Variants in ANK2 observed in about 807,000 individuals in gnomAD.
The protein encoded by ANK2 is ankyrin 2.
ANK2 carries 83 observed loss-of-function variants against 360.5 expected under a neutral mutation model. The ratio of observed to expected loss-of-function variants is 0.23; its 90% CI spans 0.19 to 0.28. The LOEUF is 0.28. Ranked by LOEUF, ANK2 falls within the 10% of genes least tolerant of loss-of-function variation. The pLI is 1.00. For synonymous variants in ANK2, 1,740 were observed against 1,759.5 expected, an observed-to-expected ratio of 0.99 and a Z score of 0.28; for missense variants, 4,201 against 4,795.7, an observed-to-expected ratio of 0.88 and a Z score of 3.66.
At chr4:112,855,329 CTT>C (rs1338979134) in intron 1 of ANK2, among the ~76,000 whole-genome samples, 1 of 152,186 alleles carries the variant, frequency 6.6e-6, no homozygotes, top group African/African-American at 2.4e-5. Flanking sequence ...GCTCTATTGT[CTT>C]TGTTCGTTGT....
intron 1 of ANK2, among the ~76,000 whole-genome samples, chr4:113,080,844 C>T (rs185132784): frequency 6.6e-6 from 1 of 152,008 alleles, no homozygotes; most frequent in East Asian, 1.9e-4. Context: ...GAAAGTGAAA[C>T]CCTGGATGCA....
chr4:112,831,562 CT>C (rs2059731818), intron 1 of ANK2, among the ~76,000 whole-genome samples: 1 of 128,146 alleles, frequency 7.8e-6, no homozygotes, highest in South Asian at 2.7e-4. Context: ...CCAATCAACT[CT>C]CTGTAAAATG....
Position 112,887,630 on chromosome 4 carries a change from G to A in ANK2, c.-39-16825G>A, listed in dbSNP as rs370998322. 2.2e-4 allele frequency among the ~76,000 whole-genome samples: 33 copies of A among 152,196 alleles called. No individual in the cohort carries two copies. In the East Asian group the frequency reaches 2.5e-3, roughly 12 times the overall value. ...TTTGTATTTACTCATGTGCAGATAGGTATGAGTGAAAAATCCATCTTAATG... is the reference window on the plus strand; with the variant it reads ...TTTGTATTTACTCATGTGCAGATAGATATGAGTGAAAAATCCATCTTAATG... On this transcript the variant is annotated intron_variant, in intron 1 of 30. Transcript: ENST00000503271.
the ANK2 span, among the ~76,000 whole-genome samples, chr4:112,732,760 G>C: frequency 6.6e-6 from 1 of 152,182 alleles, no homozygotes; most frequent in Admixed American, 6.5e-5. Context: ...GGACTAGAAA[G>C]AGCATGAATC....
chr4:112,742,471 G>A, the ANK2 span, among the ~76,000 whole-genome samples: 1 of 151,822 alleles, frequency 6.6e-6, no homozygotes, highest in African/African-American at 2.4e-5. Flanking sequence ...CCCTAGATAA[G>A]ATTGGCTAGG....
intron 2 of ANK2, among the ~76,000 whole-genome samples, chr4:112,942,653 G>C (rs1234187078): frequency 2.0e-5 from 3 of 151,536 alleles, no homozygotes; most frequent in Non-Finnish European, 2.9e-5. Flanking sequence ...TTAAAAAGAT[G>C]AAAGCTAAGA....
chr4:113,244,867 T>C (rs1297573764), intron 9 of ANK2, among the ~76,000 whole-genome samples: 1 of 152,202 alleles, frequency 6.6e-6, no homozygotes, highest in Non-Finnish European at 1.5e-5. Flanking sequence ...CATGTGGGGT[T>C]TGATTTTCTG....
At chr4:112,727,306 A>G in the ANK2 span, among the ~76,000 whole-genome samples, 1 of 152,076 alleles carries the variant, frequency 6.6e-6, no homozygotes, top group East Asian at 1.9e-4. Context: ...ATAATATCAC[A>G]GATTATGGTT....
intron 1 of ANK2, among the ~76,000 whole-genome samples, chr4:113,060,462 C>A (rs989908939): frequency 6.6e-6 from 1 of 151,986 alleles, no homozygotes; most frequent in African/African-American, 2.4e-5. Context: ...TAAAAAAACC[C>A]TTCCTGCTTG....
intron 1 of ANK2, among the ~76,000 whole-genome samples, chr4:112,878,107 T>G (rs1414854901): frequency 1.3e-5 from 2 of 151,982 alleles, no homozygotes; most frequent in Admixed American, 6.6e-5. Flanking sequence ...ATATGTAAAT[T>G]GATGACTTCA....
chr4:112,920,653 A>G (rs1411798191), intron 2 of ANK2, among the ~76,000 whole-genome samples: 1 of 152,232 alleles, frequency 6.6e-6, no homozygotes, highest in Non-Finnish European at 1.5e-5. Flanking sequence ...AGGTTTTACC[A>G]TATTAGTTAT....
chr4:112,957,747 C>T (rs1434369664), intron 2 of ANK2, among the ~76,000 whole-genome samples: 5 of 152,014 alleles, frequency 3.3e-5, no homozygotes, highest in African/African-American at 9.7e-5. Context: ...AGACGCTCCT[C>T]ACTTCCCAGA....
intron 1 of ANK2, among the ~76,000 whole-genome samples, chr4:112,869,149 G>T (rs1215488797): frequency 6.6e-6 from 1 of 152,048 alleles, no homozygotes; most frequent in Admixed American, 6.6e-5. Context: ...TATTATTTTT[G>T]TAGAGACAAG....
intron 2 of ANK2, among the ~76,000 whole-genome samples, chr4:112,965,029 G>A (rs925986463): frequency 4.6e-5 from 7 of 152,206 alleles, no homozygotes; most frequent in Admixed American, 4.6e-4. Context: ...CAGTGGGGTT[G>A]CTGGATCATA....
chr4:113,026,942 G>C (rs2059406274), intron 2 of ANK2, among the ~76,000 whole-genome samples: 1 of 152,116 alleles, frequency 6.6e-6, no homozygotes, highest in Non-Finnish European at 1.5e-5. Context: ...AAAGGGATTA[G>C]AGGTGAGAAA....
chr4:113,161,749 C>T (rs905422871), intron 1 of ANK2, among the ~76,000 whole-genome samples: 5 of 150,398 alleles, frequency 3.3e-5, no homozygotes, highest in East Asian at 2.0e-4. Context: ...TGCATGTATG[C>T]GCTGCAATTC....
chr4:112,746,850 A>C, the ANK2 span, among the ~76,000 whole-genome samples: 1 of 152,222 alleles, frequency 6.6e-6, no homozygotes, highest in East Asian at 1.9e-4. Context: ...TCAATGATAA[A>C]AAAGACATGC....
At chr4:112,999,657 C>T (rs1421187632) in intron 2 of ANK2, among the ~76,000 whole-genome samples, 3 of 143,272 alleles carry the variant, frequency 2.1e-5, no homozygotes, top group Admixed American at 6.8e-5. Flanking sequence ...TCCTCCTCCT[C>T]CTTAAAAAAA....
chr4:112,873,516 T>A (rs909000012), intron 1 of ANK2, among the ~76,000 whole-genome samples: 2 of 151,630 alleles, frequency 1.3e-5, no homozygotes, highest in Admixed American at 6.6e-5. Context: ...CAAATTTCCT[T>A]CTGTTATGGG....
Sources: allele counts gnomAD v4.1 joint callset (sites outside exome capture counted in the v4.1 genomes callset), GRCh38; gene constraint gnomAD v4.1.1; transcripts MANE v1.5; gene names NCBI Gene and HGNC (gene_info 2026-07-23, HGNC 2026-07-21).